Variants in HMCN2 observed in about 807,000 individuals in gnomAD.
HMCN2 encodes hemicentin-2.
HMCN2 carries 325 observed loss-of-function variants against 377.5 expected under a neutral mutation model. The observed-to-expected ratio is 0.86, with a 90% CI of 0.79 to 0.94. The LOEUF is 0.94. Ranked by LOEUF, HMCN2 falls within the 40% of genes least tolerant of loss-of-function variation. The probability of loss-of-function intolerance (pLI) is 0.00; values close to 1 mark genes in which losing one functional copy is unlikely to be tolerated. For missense variants in HMCN2, 4,543 were observed against 4,725.3 expected (o/e 0.96, Z 1.13); for synonymous variants, 2,007 against 2,046.8 (o/e 0.98, Z 0.53).
At chr9:130,419,896 G>A (rs1001020214) in intron 86 of HMCN2, among the ~76,000 whole-genome samples, 4 of 152,064 alleles carry the variant, frequency 2.6e-5, no homozygotes, top group Non-Finnish European at 5.9e-5. Context: ...CCAAATGTGG[G>A]ACCCTTTCTG....
In HMCN2 at chr9:130,424,791, T is replaced by C. The variant is rs1844228411; in HGVS notation, c.13397T>C (p.Val4466Ala). 1 of 1,539,732 alleles carries C rather than the reference T, an allele frequency of 6.5e-7. No homozygotes were observed. The highest frequency in any genetic ancestry group is 2.5e-5 in the East Asian group (1 of 40,592). ...CCCCACCCAGGGCCTCTGATGCGGG[T>C]GCTCGTGGTCACCATCGCCCCCATC... ...VPANVGPLMR[V>A]LVVTIAPIYW... Residue 4466 changes from valine to alanine, a missense_variant, in exon 88 of 98, where the codon GTG (valine) becomes GCG (alanine). This residue lies in a region of HMCN2 where 1,155 missense variants were observed against 1,157.7 expected (regional missense o/e 1.00). Coordinates refer to ENST00000683500, the MANE Select transcript of HMCN2 (RefSeq NM_001291815.2).
At chr9:130,396,858 C>G (rs1029779975) in intron 73 of HMCN2, among the ~76,000 whole-genome samples, 8 of 152,208 alleles carry the variant, frequency 5.3e-5, no homozygotes, top group African/African-American at 1.9e-4. Flanking sequence ...GATCTAGGGG[C>G]TGCTCTCAGG....
At chr9:130,359,513 G>A (rs1840241889) in intron 37 of HMCN2, 99 bp downstream of exon 37, 3 of 470,900 alleles carry the variant, frequency 6.4e-6, no homozygotes, top group South Asian at 2.0e-5. Flanking sequence ...GACATAATGG[G>A]GAGAAATCAT....
Position 130,391,236 on chromosome 9 carries a change from C to T in HMCN2, c.9700C>T (p.Arg3234Trp), listed in dbSNP as rs1352958419. 4.0e-6 allele frequency: 4 copies of T among 987,780 alleles called. No homozygotes were observed. Among genetic ancestry groups the T allele is most frequent in the East Asian group, 1.1e-4 (1 of 8,818 alleles). The allele number at this position is 987,780 out of a possible 1,614,324, so 61.2% of individuals were successfully genotyped here. The change falls in exon 64 of 98, where the codon CGG becomes TGG. Residue 3234 changes from arginine (R) to tryptophan (W), a missense_variant. Physicochemically the swap from Arg to Trp is moderately radical, Grantham distance 101. Coordinates refer to ENST00000683500, the MANE Select transcript of HMCN2 (RefSeq NM_001291815.2). ...APRIRSSGVA[R>W]EHHVLEGQEV... ...CCGGATCCGGAGCTCGGGCGTGGCG[C>T]GGGAGCACCATGTCTTGGAAGGGCA...
intron 1 of HMCN2, among the ~76,000 whole-genome samples, chr9:130,267,528 A>C (rs1006709440): frequency 6.6e-6 from 1 of 152,214 alleles, no homozygotes; most frequent in African/African-American, 2.4e-5. Context: ...TGCTGAAGAA[A>C]TAGACGGTGG....
intron 96 of HMCN2, 59 bp from the exon 97 acceptor site, chr9:130,432,370 C>T: frequency 6.5e-7 from 1 of 1,529,970 alleles, no homozygotes; most frequent in African/African-American, 1.4e-5. Flanking sequence ...GCACTCCCCC[C>T]TTCTCCTTTG....
At chr9:130,412,571 T>C (rs1306620684) in intron 85 of HMCN2, among the ~76,000 whole-genome samples, 2 of 149,932 alleles carry the variant, frequency 1.3e-5, no homozygotes, top group African/African-American at 2.4e-5. Flanking sequence ...CTTTCTCTTT[T>C]TTTTTTTTTG....
chr9:130,386,408 C>A (rs1393161604), intron 60 of HMCN2, 35 bp from the exon 61 acceptor site: 1 of 1,263,150 alleles, frequency 7.9e-7, no homozygotes. Flanking sequence ...CTTCCAGCTC[C>A]AGCACACAGC....
At chr9:130,285,135 G>C (rs1740608796) in intron 2 of HMCN2, 23 bp from the exon 3 acceptor site, 1 of 470,044 alleles carries the variant, frequency 2.1e-6, no homozygotes, top group Non-Finnish European at 4.4e-6. Context: ...GGTGGCAGCT[G>C]CTGACATGCT....
Position 130,325,614 on chromosome 9 carries a change from C to T in HMCN2, c.2940C>T (p.Pro980=), listed in dbSNP as rs1838092153. 1 of 152,270 alleles carries T rather than the reference C, an allele frequency of 6.6e-6. No individual in the cohort carries two copies. Among genetic ancestry groups the T allele is most frequent in the South Asian group, 2.1e-4 (1 of 4,832 alleles). The allele number at this position is 152,270 out of a possible 1,614,324, so 9.4% of individuals were successfully genotyped here. A position where few individuals can be genotyped will look rare whatever the true frequency, so the allele number is the denominator to read the frequency against. Residue 980 remains proline, a synonymous_variant, in exon 20 of 98, where the codon CCC becomes CCT. Transcript: ENST00000683500. ...LVVQVPPRIH[P]TATHHITNEG... ...TAACAGTGCCACCTAGAATCCATCC[C>T]ACTGCCACCCACCATATCACCAATG...
At position 130,391,486 on chromosome 9, in the gene HMCN2, C is replaced by T; in HGVS notation, c.9864C>T (p.Gly3288=). Residue 3288 remains glycine (G), a synonymous_variant, in exon 65 of 98, where the codon GGC becomes GGT. Coordinates refer to ENST00000683500, the MANE Select transcript of HMCN2 (RefSeq NM_001291815.2). ...ACGGCGGCTCCCTGGTGCTAAAAGG[C>T]CTGAGGGCCTCGGACGCGGGTGCCT... is the stretch of plus-strand genomic sequence containing the variant. ...YLDGGSLVLK[G]LRASDAGAYT... The T allele has an allele frequency of 1.0e-6, 1 of 987,888 alleles. No homozygotes were observed. The highest frequency in any genetic ancestry group is 4.7e-5 in the South Asian group (1 of 21,380). The allele number at this position is 987,888 out of a possible 1,614,324, so 61.2% of individuals were successfully genotyped here.
Position 130,349,621 on chromosome 9 carries a change from CA to C in HMCN2, c.4389del (p.Val1465SerfsTer85), listed in dbSNP as rs1564803796. ...GADVELQCWT[S>X]GVPTPQVEWT... ...GACGTGGAGCTGCAGTGTTGGACCT[CA>C]GGGGTCCCCACGCCCCAGGTGGAGT... On this transcript the variant is annotated frameshift_variant, in exon 29 of 98. Transcript: ENST00000683500. LOFTEE classifies it high-confidence loss of function. 2 of 1,304,116 alleles carry C rather than the reference CA, an allele frequency of 1.5e-6. No homozygotes were observed. The highest frequency in any genetic ancestry group is 4.6e-5 in the Admixed American group (2 of 43,554). 80.8% of individuals were successfully genotyped at this position (1,304,116 alleles called of 1,614,324 possible). A position where few individuals can be genotyped will look rare whatever the true frequency, so the allele number is the denominator to read the frequency against.
intron 45 of HMCN2, 72 bp from the exon 46 acceptor site, chr9:130,370,892 G>T (rs1840985583): frequency 1.1e-6 from 1 of 928,168 alleles, no homozygotes; most frequent in African/African-American, 1.8e-5. Flanking sequence ...GGCAGTCAGT[G>T]GGGCTGGGGA....
At chr9:130,266,362 ACCTGCTCTC>A (rs1187815448) in intron 1 of HMCN2, among the ~76,000 whole-genome samples, 70 of 152,194 alleles carry the variant, frequency 4.6e-4, no homozygotes, top group African/African-American at 1.7e-3. Context: ...CGCTCAAGGA[ACCTGCTCTC>A]CCTGCTCTCC....
intron 28 of HMCN2, 139 bp downstream of exon 28, chr9:130,349,270 C>T: frequency 2.2e-6 from 2 of 894,666 alleles, no homozygotes; most frequent in South Asian, 3.3e-5. Context: ...GACCCAACCC[C>T]CATCCTCACA....
At chr9:130,370,930 T>G in intron 45 of HMCN2, 34 bp from the exon 46 acceptor site, 1 of 985,668 alleles carries the variant, frequency 1.0e-6, no homozygotes, top group Non-Finnish European at 1.2e-6. Flanking sequence ...AGCCCATATC[T>G]GCACCCTGAA....
chr9:130,326,949 A>C (rs1201420783), intron 21 of HMCN2, among the ~76,000 whole-genome samples: 2 of 152,138 alleles, frequency 1.3e-5, no homozygotes, highest in Non-Finnish European at 2.9e-5. Context: ...CAAGGGGAGA[A>C]GGTAGAGAGA....
chr9:130,401,079 C>A, intron 77 of HMCN2, 132 bp downstream of exon 77: 2 of 759,456 alleles, frequency 2.6e-6, no homozygotes, highest in Non-Finnish European at 3.6e-6. Flanking sequence ...GCTGTGTGAC[C>A]TGGGAGGACC....
At chr9:130,373,551 G>A (rs138420885) in intron 48 of HMCN2, among the ~76,000 whole-genome samples, 1,746 of 127,780 alleles carry the variant, frequency 0.014, 38 homozygotes, top group African/African-American at 0.048. Context: ...GCTCCCATTC[G>A]TGCTTATGGG....
Sources: gnomAD v4.1 joint callset for allele counts (sites outside exome capture counted in the v4.1 genomes callset) on GRCh38, gnomAD v4.1.1 for gene constraint, gnomAD v4.1.1 regional missense constraint, MANE v1.5 for transcripts, NCBI Gene and HGNC (gene_info 2026-07-23, HGNC 2026-07-21) for gene names.